Variants in ROR1 observed in about 807,000 individuals in gnomAD.
ROR1 encodes ROR family WNT receptor 1.
A neutral mutation model predicts 78.8 loss-of-function variants in ROR1; 19 were observed. The observed-to-expected ratio is 0.24, with a 90% confidence interval of 0.17 to 0.35. The LOEUF is 0.35. ROR1 is among the 10% of genes least tolerant of loss of function. The pLI is 1.00. For synonymous variants in ROR1, 386 were observed against 433.6 expected, an observed-to-expected ratio of 0.89 and a Z score of 1.36; for missense variants, 917 against 1,177.8, an observed-to-expected ratio of 0.78 and a Z score of 3.24.
intron 4 of ROR1, among the ~76,000 whole-genome samples, chr1:64,119,546 G>A (rs1364323130): frequency 6.6e-6 from 1 of 151,324 alleles, no homozygotes; most frequent in Non-Finnish European, 1.5e-5. Flanking sequence ...GGCTGAGGCA[G>A]GAGAATCACT....
intron 4 of ROR1, among the ~76,000 whole-genome samples, chr1:64,079,081 T>C (rs1462634037): frequency 6.6e-6 from 1 of 152,154 alleles, no homozygotes; most frequent in Non-Finnish European, 1.5e-5. Flanking sequence ...TGATTTCAGG[T>C]TCAGACATCT....
rs561983439 is a variant in ROR1, at chr1:63,926,164, T to G, written c.92-83141T>G. Among the ~76,000 whole-genome samples the G allele has an allele frequency of 5.4e-4, 82 of 151,796 alleles. 1 individual carries two copies. The East Asian group carries it at 0.012, about 23-fold the overall frequency. Reference sequence around the variant, plus strand: ...TGGTTTTAGGTCTAACGTTTAAGTCTTTAATCCATCTTGAATTGATTTTTG... The same window carrying G: ...TGGTTTTAGGTCTAACGTTTAAGTCGTTAATCCATCTTGAATTGATTTTTG... On this transcript the variant is annotated intron_variant, in intron 1 of 8. Transcript: ENST00000371079.
chr1:63,859,636 C>A (rs575252857), intron 1 of ROR1, among the ~76,000 whole-genome samples: 7 of 152,278 alleles, frequency 4.6e-5, no homozygotes, highest in African/African-American at 1.4e-4. Context: ...TGCCAGTTCA[C>A]TGGAGAGATG....
intron 1 of ROR1, among the ~76,000 whole-genome samples, chr1:63,882,281 G>A (rs1217651076): frequency 6.6e-6 from 1 of 152,178 alleles, no homozygotes; most frequent in Non-Finnish European, 1.5e-5. Context: ...TTGGATGTTA[G>A]GCCCAGGAGC....
rs537714719 is a variant in ROR1, at chr1:63,963,593, A to C, written c.92-45712A>C. On this transcript the variant is annotated intron_variant, in intron 1 of 8. Transcript: ENST00000371079. Reference sequence around the variant, plus strand: ...CAAAAAAACAAAACAAAACAAAAAAAAAAACAAAACAAAAAGAAAGGAAGA... The same window carrying C: ...CAAAAAAACAAAACAAAACAAAAAACAAAACAAAACAAAAAGAAAGGAAGA... Among the ~76,000 whole-genome samples, 55 of 151,430 alleles carry C rather than the reference A, an allele frequency of 3.6e-4. 1 individual carries two copies. The highest frequency in any genetic ancestry group is 1.9e-3 in the South Asian group (9 of 4,810).
chr1:63,907,695 A>G (rs1645539874), intron 1 of ROR1, among the ~76,000 whole-genome samples: 1 of 152,200 alleles, frequency 6.6e-6, no homozygotes, highest in Non-Finnish European at 1.5e-5. Flanking sequence ...AAGGTTGCCA[A>G]AGTTCAGATT....
At chr1:64,002,045 C>T (rs951683690) in intron 1 of ROR1, among the ~76,000 whole-genome samples, 1 of 151,746 alleles carries the variant, frequency 6.6e-6, no homozygotes, top group East Asian at 1.9e-4. Context: ...AACCCCATCA[C>T]GCTGTTTATA....
intron 1 of ROR1, among the ~76,000 whole-genome samples, chr1:63,907,202 G>C (rs1054574733): frequency 2.2e-4 from 33 of 152,324 alleles, no homozygotes; most frequent in African/African-American, 7.7e-4. Flanking sequence ...GCTGAGAGTG[G>C]TTGTTATAAT....
intron 1 of ROR1, among the ~76,000 whole-genome samples, chr1:63,861,434 C>T (rs1645181010): frequency 6.6e-6 from 1 of 152,134 alleles, no homozygotes; most frequent in Non-Finnish European, 1.5e-5. Context: ...TTAGGCATTG[C>T]TCTGTCATAG....
At chr1:63,964,842 T>C (rs1462290353) in intron 1 of ROR1, among the ~76,000 whole-genome samples, 2 of 152,180 alleles carry the variant, frequency 1.3e-5, no homozygotes, top group South Asian at 4.1e-4. Flanking sequence ...CCTGGTTATG[T>C]GGGCCAGAGG....
At chr1:63,991,331 T>C (rs535949715) in intron 1 of ROR1, among the ~76,000 whole-genome samples, 1 of 152,182 alleles carries the variant, frequency 6.6e-6, no homozygotes, top group Non-Finnish European at 1.5e-5. Flanking sequence ...GTTTTGTGAC[T>C]TCTACATTAA....
chr1:63,775,070 GTCA>G (rs1005539515), intron 1 of ROR1, among the ~76,000 whole-genome samples: 2 of 152,122 alleles, frequency 1.3e-5, no homozygotes, highest in African/African-American at 4.8e-5. Context: ...CCTCCCGAGA[GTCA>G]TCATAGAGGC....
intron 2 of ROR1, among the ~76,000 whole-genome samples, chr1:64,042,277 A>G (rs1291315911): frequency 6.6e-6 from 1 of 152,004 alleles, no homozygotes; most frequent in Admixed American, 6.6e-5. Context: ...AGGTATCAGT[A>G]TTTTTTTCTG....
intron 1 of ROR1, among the ~76,000 whole-genome samples, chr1:63,939,193 G>A (rs1451526448): frequency 6.6e-6 from 1 of 152,114 alleles, no homozygotes; most frequent in African/African-American, 2.4e-5. Context: ...TTTTCATTGT[G>A]GCTGGCAGTG....
chr1:64,035,667 ATCT>A (rs931395933), intron 2 of ROR1, among the ~76,000 whole-genome samples: 14 of 152,236 alleles, frequency 9.2e-5, no homozygotes, highest in African/African-American at 3.1e-4. Flanking sequence ...TAGAGTGTTG[ATCT>A]TCTACTGTGT....
At chr1:64,127,063 G>C (rs1423209280) in intron 4 of ROR1, among the ~76,000 whole-genome samples, 1 of 152,090 alleles carries the variant, frequency 6.6e-6, no homozygotes. Flanking sequence ...CCTAACTATT[G>C]TATCACTGTT....
At chr1:63,954,523 G>C (rs916002950) in intron 1 of ROR1, among the ~76,000 whole-genome samples, 2 of 152,330 alleles carry the variant, frequency 1.3e-5, no homozygotes, top group East Asian at 3.9e-4. Context: ...CCTGAGATTG[G>C]ATGAGAACAT....
At chr1:64,097,262 A>G (rs918525787) in intron 4 of ROR1, among the ~76,000 whole-genome samples, 2 of 152,078 alleles carry the variant, frequency 1.3e-5, no homozygotes, top group Admixed American at 1.3e-4. Context: ...TCAGTCAGCA[A>G]CAGACAGTGG....
At position 63,899,501 on chromosome 1, in the gene ROR1, C is replaced by T. The variant is rs540303745; in HGVS notation, c.92-109804C>T. Among the ~76,000 whole-genome samples the T allele has an allele frequency of 3.9e-5, 6 of 152,166 alleles. No homozygotes were observed. The South Asian group carries it at 1.2e-3, about 32-fold the overall frequency. ...CATTTTATAGATGAGGGATCTGAGG[C>T]TCAGAAAGTTTCAGTGTCTTGTTTA... On this transcript the variant is annotated intron_variant, in intron 1 of 8. Transcript: ENST00000371079.
Sources: allele counts gnomAD v4.1 joint callset (sites outside exome capture counted in the v4.1 genomes callset), GRCh38; gene constraint gnomAD v4.1.1; transcripts MANE v1.5; gene names NCBI Gene and HGNC (gene_info 2026-07-23, HGNC 2026-07-21).